Variants in NUDC observed in about 807,000 individuals in gnomAD.
The protein encoded by NUDC is nuclear distribution C, dynein complex regulator.
In NUDC, 14 loss-of-function variants were observed where a neutral mutation model predicts 45.0. The ratio of observed to expected loss-of-function variants is 0.31; its 90% confidence interval spans 0.21 to 0.49. The LOEUF (loss-of-function observed/expected upper bound fraction) is 0.49, where lower values mean the gene tolerates loss of function less well. Ranked by LOEUF, NUDC falls within the 20% of genes least tolerant of loss-of-function variation. The pLI, the probability that NUDC is intolerant of heterozygous loss-of-function variation, is 0.99. For synonymous variants in NUDC, 153 were observed against 156.7 expected (o/e 0.98, Z 0.17); for missense variants, 323 against 426.2 (o/e 0.76, Z 2.13).
intron 3 of NUDC, among the ~76,000 whole-genome samples, chr1:26,915,058 C>CATATATATATATATAT (rs67296768): frequency 0.029 from 4,032 of 140,236 alleles, 94 homozygotes; most frequent in Non-Finnish European, 0.045. Flanking sequence ...TACATACATA[C>CATATATATATATATAT]ATATATATAT....
At chr1:26,900,816 G>T (rs1350622134) in intron 1 of NUDC, among the ~76,000 whole-genome samples, 2 of 152,082 alleles carry the variant, frequency 1.3e-5, no homozygotes, top group East Asian at 3.9e-4. Context: ...ATGTGTTGAT[G>T]AACTCCCACA....
At chr1:26,907,785 C>T (rs2082008823) in intron 2 of NUDC, among the ~76,000 whole-genome samples, 1 of 152,210 alleles carries the variant, frequency 6.6e-6, no homozygotes, top group African/African-American at 2.4e-5. Flanking sequence ...GGTCAGTCAA[C>T]AGTGGCTGAG....
intron 2 of NUDC, among the ~76,000 whole-genome samples, chr1:26,910,715 C>T (rs932138104): frequency 6.6e-6 from 1 of 152,196 alleles, no homozygotes; most frequent in African/African-American, 2.4e-5. Flanking sequence ...CTTCAGGTCA[C>T]TCACCCTGAC....
chr1:26,943,597 T>C (rs373462222), intron 6 of NUDC, among the ~76,000 whole-genome samples: 2 of 152,218 alleles, frequency 1.3e-5, no homozygotes, highest in African/African-American at 4.8e-5. Context: ...CACTTCTTTT[T>C]CACTAGGTTT....
rs370103118 is a variant in NUDC, at chr1:26,926,754, C to A, written c.159+2588C>A. On this transcript the variant is annotated intron_variant, in intron 2 of 8. Transcript: ENST00000321265. ...TAGGTGGGATTACAGGCATGCACCA[C>A]CATGCCTGGCTAATTTTGTATTTTT... 5.9e-4 allele frequency among the ~76,000 whole-genome samples: 90 copies of A among 152,188 alleles called. No homozygotes were observed. The South Asian group carries it at 0.018, about 31-fold the overall frequency.
At chr1:26,926,880 T>G (rs2082137056) in intron 2 of NUDC, among the ~76,000 whole-genome samples, 1 of 152,176 alleles carries the variant, frequency 6.6e-6, no homozygotes, top group South Asian at 2.1e-4. Flanking sequence ...ATTACAGGCG[T>G]GAGCCACTGC....
At chr1:26,939,159 C>T (rs533031729) in intron 2 of NUDC, among the ~76,000 whole-genome samples, 12 of 152,098 alleles carry the variant, frequency 7.9e-5, no homozygotes, top group African/African-American at 2.4e-4. Context: ...ACACCGGGCT[C>T]ATTTTTGGAT....
At chr1:26,931,074 T>G (rs952126734) in intron 2 of NUDC, among the ~76,000 whole-genome samples, 5 of 151,702 alleles carry the variant, frequency 3.3e-5, no homozygotes, top group Non-Finnish European at 7.4e-5. Flanking sequence ...CTTTGTTTTG[T>G]TTTTTGTTTG....
intron 2 of NUDC, among the ~76,000 whole-genome samples, chr1:26,909,217 C>A (rs962383259): frequency 6.6e-6 from 1 of 152,178 alleles, no homozygotes; most frequent in South Asian, 2.1e-4. Context: ...TCAGGTGATC[C>A]GCCTGGCTTG....
intron 2 of NUDC, among the ~76,000 whole-genome samples, chr1:26,906,742 G>A (rs1169173578): frequency 6.6e-6 from 1 of 152,046 alleles, no homozygotes; most frequent in Admixed American, 6.6e-5. Flanking sequence ...CCAGCTACTC[G>A]GGAGGCTGAG....
intron 5 of NUDC, 41 bp from the exon 6 acceptor site, chr1:26,942,830 A>C (rs1278904808): frequency 6.2e-7 from 1 of 1,614,074 alleles, no homozygotes; most frequent in Non-Finnish European, 8.5e-7. Flanking sequence ...GGGTACCAGC[A>C]GCACTTAGTG....
At chr1:26,929,045 G>A (rs902612211) in intron 2 of NUDC, among the ~76,000 whole-genome samples, 1 of 152,180 alleles carries the variant, frequency 6.6e-6, no homozygotes, top group African/African-American at 2.4e-5. Flanking sequence ...GATAAACAAT[G>A]TGGTATAGAC....
Position 26,901,144 on chromosome 1 carries a change from C to A in NUDC, c.-101+744C>A, listed in dbSNP as rs914266838. Among the ~76,000 whole-genome samples, 6 of 152,252 alleles carry A rather than the reference C, an allele frequency of 3.9e-5. No homozygotes were observed. In the South Asian group the frequency reaches 1.2e-3, roughly 32 times the overall value. The stretch of plus-strand genomic sequence containing the variant: ...ATCTAGTAAAAGCAAAGCTACACAT[C>A]ATTTGACTCAGCACTTGTAGGTAAT... On this transcript the variant is annotated intron_variant, in intron 1 of 6. Transcript: ENST00000435827.
At chr1:26,912,915 C>T (rs1312521770) in intron 3 of NUDC, among the ~76,000 whole-genome samples, 1 of 152,222 alleles carries the variant, frequency 6.6e-6, no homozygotes, top group Non-Finnish European at 1.5e-5. Flanking sequence ...CCTGGTCTGT[C>T]CCTACCTGGC....
At chr1:26,925,145 C>T (rs867821715) in intron 2 of NUDC, among the ~76,000 whole-genome samples, 5 of 151,616 alleles carry the variant, frequency 3.3e-5, no homozygotes, top group East Asian at 2.0e-4. Context: ...CCTCCTAAAG[C>T]GCTGGGAGTA....
At chr1:26,939,600 AAAT>A (rs756865410) in intron 2 of NUDC, among the ~76,000 whole-genome samples, 12 of 152,106 alleles carry the variant, frequency 7.9e-5, no homozygotes, top group Admixed American at 3.3e-4. Context: ...CATGCCTCAA[AAAT>A]AATAATAATA....
At chr1:26,925,913 G>T (rs2082128254) in intron 2 of NUDC, among the ~76,000 whole-genome samples, 1 of 151,368 alleles carries the variant, frequency 6.6e-6, no homozygotes, top group Non-Finnish European at 1.5e-5. Context: ...GTAGAGATGG[G>T]GTTTCACCAT....
chr1:26,933,892 C>T (rs941982518), intron 2 of NUDC, among the ~76,000 whole-genome samples: 4 of 152,148 alleles, frequency 2.6e-5, no homozygotes, highest in South Asian at 2.1e-4. Flanking sequence ...CGGTGGCTCA[C>T]GCCTGTAATC....
At chr1:26,938,297 T>C (rs901257365) in intron 2 of NUDC, among the ~76,000 whole-genome samples, 5 of 152,174 alleles carry the variant, frequency 3.3e-5, no homozygotes, top group Non-Finnish European at 7.4e-5. Flanking sequence ...TGCCCTTGCT[T>C]AACCTCCAGG....
Sources: allele counts gnomAD v4.1 joint callset (sites outside exome capture counted in the v4.1 genomes callset), GRCh38; gene constraint gnomAD v4.1.1; transcripts MANE v1.5; gene names NCBI Gene and HGNC (gene_info 2026-07-23, HGNC 2026-07-21).